Variants in DOK5 observed in about 807,000 individuals in gnomAD.
DOK5 encodes the protein docking protein 5, also known as downstream of tyrosine kinase 5.
Under a neutral mutation model 43.3 loss-of-function variants are expected in DOK5, and 27 were observed. The observed-to-expected ratio is 0.62, with a 90% CI of 0.46 to 0.86. DOK5 has a LOEUF of 0.86. Among genes scored for constraint, DOK5 ranks in the 40% least tolerant of loss-of-function variants. The pLI, the probability that DOK5 is intolerant of heterozygous loss-of-function variation, is 0.00. For synonymous variants in DOK5, 146 were observed against 140.1 expected (o/e 1.04, Z -0.30); for missense variants, 373 against 392.9 (o/e 0.95, Z 0.43).
At chr20:54,536,511 C>G (rs1276165918) in intron 1 of DOK5, among the ~76,000 whole-genome samples, 1 of 152,108 alleles carries the variant, frequency 6.6e-6, no homozygotes, top group Non-Finnish European at 1.5e-5. Context: ...CCTAAGAAGA[C>G]TCTGAAAGGT....
intron 1 of DOK5, among the ~76,000 whole-genome samples, chr20:54,501,114 T>G (rs1289057204): frequency 6.6e-6 from 1 of 152,022 alleles, no homozygotes; most frequent in Admixed American, 6.5e-5. Flanking sequence ...TTAATACATA[T>G]TACAAATTAA....
chr20:54,622,796 A>C (rs1484513525), intron 6 of DOK5, among the ~76,000 whole-genome samples: 6 of 152,066 alleles, frequency 3.9e-5, no homozygotes, highest in Non-Finnish European at 8.8e-5. Context: ...GAGTAATCCT[A>C]TTTCCCAGTG....
chr20:54,644,415 A>T (rs1275011789), intron 7 of DOK5, among the ~76,000 whole-genome samples: 7 of 151,886 alleles, frequency 4.6e-5, no homozygotes, highest in Non-Finnish European at 1.0e-4. Context: ...TTACTAAAAA[A>T]AATACAAGGC....
intron 6 of DOK5, among the ~76,000 whole-genome samples, chr20:54,637,940 G>A (rs999540711): frequency 2.6e-5 from 4 of 152,108 alleles, no homozygotes; most frequent in Non-Finnish European, 4.4e-5. Flanking sequence ...GGCTAACACG[G>A]TGAAACCCCG....
chr20:54,647,795 C>T (rs1239564900), intron 7 of DOK5, among the ~76,000 whole-genome samples: 1 of 152,186 alleles, frequency 6.6e-6, no homozygotes, highest in Non-Finnish European at 1.5e-5. Context: ...CTCTGAGATG[C>T]CCTGCAATGA....
intron 1 of DOK5, among the ~76,000 whole-genome samples, chr20:54,514,344 G>A (rs1983119771): frequency 6.6e-6 from 1 of 152,142 alleles, no homozygotes; most frequent in Non-Finnish European, 1.5e-5. Flanking sequence ...AATATGTTAA[G>A]AGTTTGTAGG....
At position 54,479,041 on chromosome 20, in the gene DOK5, T is replaced by C. The variant is rs950752181; in HGVS notation, c.66+3029T>C. On this transcript the variant is annotated intron_variant, in intron 1 of 7. Coordinates refer to ENST00000262593, the MANE Select transcript of DOK5 (RefSeq NM_018431.5). ...AATAAATATATACATACAACCTATG[T>C]ACATATTGTATAATATATAATATAC... Among the ~76,000 whole-genome samples, 6 of 152,120 alleles carry C rather than the reference T, an allele frequency of 3.9e-5. 1 individual carries two copies. Among genetic ancestry groups the C allele is most frequent in the Admixed American group, 3.9e-4 (6 of 15,262 alleles).
chr20:54,483,433 C>T (rs935346020), intron 1 of DOK5, among the ~76,000 whole-genome samples: 3 of 152,204 alleles, frequency 2.0e-5, no homozygotes, highest in African/African-American at 4.8e-5. Context: ...CAGATACAAT[C>T]ACCATCCTCA....
At chr20:54,644,715 A>AAAAC (rs753449774) in intron 7 of DOK5, among the ~76,000 whole-genome samples, 3 of 77,312 alleles carry the variant, frequency 3.9e-5, no homozygotes, top group South Asian at 3.4e-4. Flanking sequence ...CAAAAAAAAA[A>AAAAC]AAAAAAAAAC....
intron 1 of DOK5, among the ~76,000 whole-genome samples, chr20:54,533,499 AAAT>A (rs1983851641): frequency 6.6e-6 from 1 of 152,206 alleles, no homozygotes; most frequent in Non-Finnish European, 1.5e-5. Flanking sequence ...ACAAATAATA[AAAT>A]AATAAAACAT....
rs563955138 is a variant in DOK5, at chr20:54,483,654, A to C, written c.66+7642A>C. On this transcript the variant is annotated intron_variant, in intron 1 of 7. Coordinates refer to ENST00000262593, the MANE Select transcript of DOK5 (RefSeq NM_018431.5). Reference sequence around the variant, plus strand: ...ATTTGATCCTAGTAGGGTGGAAATTAAACCTTTGGAGATTCTAAGCCTTGA... The same window carrying C: ...ATTTGATCCTAGTAGGGTGGAAATTCAACCTTTGGAGATTCTAAGCCTTGA... Among the ~76,000 whole-genome samples the C allele has an allele frequency of 2.0e-5, 3 of 152,328 alleles. No individual in the cohort carries two copies. In the South Asian group the frequency reaches 6.2e-4, roughly 32 times the overall value.
chr20:54,554,045 G>C (rs989436005), intron 1 of DOK5, among the ~76,000 whole-genome samples: 4 of 151,942 alleles, frequency 2.6e-5, no homozygotes, highest in Non-Finnish European at 5.9e-5. Context: ...TAATGTGCTA[G>C]TGTACCTTTT....
At position 54,606,799 on chromosome 20, in the gene DOK5, A is replaced by G. The variant is rs1162691725; in HGVS notation, c.600-3589A>G. ...ATCTGAAGGTCAGTTTGTGGTCATT[A>G]GCATCTTCATGGGTCAGGCTGTCCA... On this transcript the variant is annotated intron_variant, in intron 5 of 7. Coordinates refer to ENST00000262593, the MANE Select transcript of DOK5 (RefSeq NM_018431.5). Among the ~76,000 whole-genome samples, 6 of 152,184 alleles carry G rather than the reference A, an allele frequency of 3.9e-5. No individual in the cohort carries two copies. In the East Asian group the frequency reaches 1.2e-3, roughly 29 times the overall value.
intron 1 of DOK5, among the ~76,000 whole-genome samples, chr20:54,551,181 G>C (rs991324680): frequency 1.3e-5 from 2 of 152,108 alleles, no homozygotes; most frequent in African/African-American, 4.8e-5. Context: ...TGTGCTTCTT[G>C]AACATCTGCG....
In DOK5 at chr20:54,491,553, C is replaced by T. The variant is rs542996455; in HGVS notation, c.66+15541C>T. Among the ~76,000 whole-genome samples the T allele has an allele frequency of 3.3e-5, 5 of 152,240 alleles. No individual in the cohort carries two copies. In the South Asian group the frequency reaches 6.2e-4, roughly 19 times the overall value. ...CCAATTTTCACCCCTGTCCTACTGC[C>T]GGCCATCTGCTATGAGCAGACCATG... is the stretch of plus-strand genomic sequence containing the variant. On this transcript the variant is annotated intron_variant, in intron 1 of 7. Coordinates refer to ENST00000262593, the MANE Select transcript of DOK5 (RefSeq NM_018431.5).
intron 5 of DOK5, among the ~76,000 whole-genome samples, chr20:54,606,632 T>C (rs7270971): frequency 0.28 from 42,927 of 152,074 alleles, 6,806 homozygotes; most frequent in African/African-American, 0.4. Context: ...TAGCCCATCA[T>C]ATGGTTTTGA....
At chr20:54,480,973 T>TATCTATCATCTATC (rs1981660359) in intron 1 of DOK5, among the ~76,000 whole-genome samples, 1 of 87,940 alleles carries the variant, frequency 1.1e-5, no homozygotes, top group African/African-American at 5.0e-5. Flanking sequence ...ATCTATCATC[T>TATCTATCATCTATC]ATCTATCTAT....
At chr20:54,476,102 C>G (rs1011817463) in intron 1 of DOK5, 90 bp downstream of exon 1, 8 of 1,575,256 alleles carry the variant, frequency 5.1e-6, no homozygotes, top group Non-Finnish European at 6.9e-6. Flanking sequence ...GGAGAGTCCC[C>G]GGCCGCGCGC....
At position 54,539,665 on chromosome 20, in the gene DOK5, C is replaced by T. The variant is rs562978509; in HGVS notation, c.67-15268C>T. On this transcript the variant is annotated intron_variant, in intron 1 of 7. Coordinates refer to ENST00000262593, the MANE Select transcript of DOK5 (RefSeq NM_018431.5). ...CCAGATAGGCTATTGGAGAATCAGA[C>T]GCCATGAGCCACAGAGCTAAGTCAT... Among the ~76,000 whole-genome samples, 79 of 152,286 alleles carry T rather than the reference C, an allele frequency of 5.2e-4. No homozygotes were observed. In the South Asian group the frequency reaches 0.013, roughly 25 times the overall value.
Sources: gnomAD v4.1 joint callset for allele counts (sites outside exome capture counted in the v4.1 genomes callset) on GRCh38, gnomAD v4.1.1 for gene constraint, MANE v1.5 for transcripts, NCBI Gene and HGNC (gene_info 2026-07-23, HGNC 2026-07-21) for gene names.